The following ZC3H18 variants were observed in gnomAD, a reference collection of about 807,000 sequenced individuals.
ZC3H18 encodes zinc finger CCCH domain-containing protein 18.
A neutral mutation model predicts 106.1 loss-of-function variants in ZC3H18; 8 were observed. The observed-to-expected ratio is 0.08, with a 90% CI of 0.04 to 0.14. The LOEUF (loss-of-function observed/expected upper bound fraction) is 0.14. ZC3H18 is among the 10% of genes least tolerant of loss of function. ZC3H18 has a pLI of 1.00. For missense variants in ZC3H18, 1,318 were observed against 1,278.4 expected, an observed-to-expected ratio of 1.03 and a Z score of -0.47; for synonymous variants, 635 against 522.1, an observed-to-expected ratio of 1.22 and a Z score of -2.95.
chr16:88,625,132 G>T, intron 12 of ZC3H18, 70 bp from the exon 13 acceptor site: 1 of 1,530,340 alleles, frequency 6.5e-7, no homozygotes, highest in Non-Finnish European at 8.9e-7. Context: ...AGGGCTGCTG[G>T]TGGGGAGGGG....
chr16:88,599,905 C>A lies in ZC3H18; in HGVS notation c.1045C>A (p.Arg349=). Residue 349 remains arginine, a synonymous_variant, in exon 6 of 18, where the codon CGA becomes AGA. Transcript: ENST00000301011. ...REFDKENEVF[R]DWNSRIPRDV... ...ATTTGACAAAGAAAATGAAGTTTTT[C>A]GAGATTGGAATTCTCGGATCCCGAG... The A allele has an allele frequency of 1.9e-6, 3 of 1,614,202 alleles. No individual in the cohort carries two copies.
At chr16:88,623,164 TG>T in intron 9 of ZC3H18, 54 bp from the exon 10 acceptor site, 2 of 1,589,900 alleles carry the variant, frequency 1.3e-6, no homozygotes. Context: ...TCAGGGCGTG[TG>T]GGGCAGGGAG....
chr16:88,616,887 G>C (rs918003396), intron 8 of ZC3H18, among the ~76,000 whole-genome samples: 1 of 152,164 alleles, frequency 6.6e-6, no homozygotes, highest in African/African-American at 2.4e-5. Context: ...ACACCCTAGT[G>C]AAGCGCAGTC....
At chr16:88,622,483 C>G in intron 9 of ZC3H18, 95 bp downstream of exon 9, 1 of 1,370,898 alleles carries the variant, frequency 7.3e-7, no homozygotes, top group African/African-American at 1.5e-5. Context: ...AACACCCCAG[C>G]CCCACTGTTT....
At chr16:88,601,201 TA>T (rs1904733985) in intron 6 of ZC3H18, among the ~76,000 whole-genome samples, 1 of 152,252 alleles carries the variant, frequency 6.6e-6, no homozygotes, top group African/African-American at 2.4e-5. Flanking sequence ...AAGACTTGGT[TA>T]ACATGTACAT....
At chr16:88,614,546 TCA>T (rs570074734) in intron 8 of ZC3H18, among the ~76,000 whole-genome samples, 43 of 152,352 alleles carry the variant, frequency 2.8e-4, no homozygotes, top group African/African-American at 1.0e-3. Flanking sequence ...ATTCTCCAGC[TCA>T]CAGTGAATGG....
At chr16:88,591,922 G>A (rs1197071439) in intron 3 of ZC3H18, among the ~76,000 whole-genome samples, 2 of 152,150 alleles carry the variant, frequency 1.3e-5, no homozygotes, top group Non-Finnish European at 2.9e-5. Context: ...TTGAGGAACC[G>A]CTGGCAGCGG....
At chr16:88,606,161 G>C (rs1419232063) in intron 6 of ZC3H18, among the ~76,000 whole-genome samples, 1 of 152,236 alleles carries the variant, frequency 6.6e-6, no homozygotes, top group African/African-American at 2.4e-5. Flanking sequence ...AACAGTTGGG[G>C]AAGAGTTTGT....
At chr16:88,631,026 C>A (rs1017532232) in intron 17 of ZC3H18, 75 bp from the exon 18 acceptor site, 48 of 1,580,394 alleles carry the variant, frequency 3.0e-5, no homozygotes, top group Non-Finnish European at 4.1e-5. Flanking sequence ...GTGGAAGCGC[C>A]CCTACGGGGA....
At chr16:88,601,792 T>C (rs1324659440) in intron 6 of ZC3H18, among the ~76,000 whole-genome samples, 1 of 152,136 alleles carries the variant, frequency 6.6e-6, no homozygotes. Context: ...CTGAGGCCTT[T>C]TGTGCCATGC....
At chr16:88,595,976 G>A (rs563695785) in intron 3 of ZC3H18, among the ~76,000 whole-genome samples, 6 of 152,198 alleles carry the variant, frequency 3.9e-5, no homozygotes, top group African/African-American at 9.6e-5. Flanking sequence ...TCTGCCTGAC[G>A]TCTGCTGGAA....
chr16:88,604,063 T>C (rs546673602), intron 6 of ZC3H18, among the ~76,000 whole-genome samples: 1 of 152,126 alleles, frequency 6.6e-6, no homozygotes, highest in East Asian at 1.9e-4. Flanking sequence ...AAACCTCACA[T>C]ATTGGCTGGA....
intron 12 of ZC3H18, 122 bp downstream of exon 12, chr16:88,624,867 G>A (rs1038021745): frequency 5.1e-6 from 7 of 1,378,292 alleles, no homozygotes; most frequent in Non-Finnish European, 3.8e-6. Context: ...GCGCCCCCTA[G>A]CCGAGCAGCA....
At position 88,597,125 on chromosome 16, in the gene ZC3H18, G is replaced by A. The variant is rs149146773; in HGVS notation, c.689-1053G>A. ...TTTAGTAGAGACGGGGTTTCACCAT[G>A]TTAGCCAGGATGGTCTTGATCTCTT... On this transcript the variant is annotated intron_variant, in intron 3 of 17. Coordinates refer to ENST00000301011, the MANE Select transcript of ZC3H18 (RefSeq NM_144604.4). Among the ~76,000 whole-genome samples the A allele has an allele frequency of 5.7e-3, 861 of 152,284 alleles. 10 individuals carry two copies. Among genetic ancestry groups the A allele is most frequent in the African/African-American group, 0.019 (808 of 41,554 alleles).
At chr16:88,582,219 C>CTTTTTT (rs71391393) in intron 2 of ZC3H18, among the ~76,000 whole-genome samples, 908 of 77,158 alleles carry the variant, frequency 0.012, 73 homozygotes, top group African/African-American at 0.025. Flanking sequence ...TTTTTCTTTT[C>CTTTTTT]TTTTTTTTTT....
At chr16:88,596,828 CAGAT>C (rs766345130) in intron 3 of ZC3H18, among the ~76,000 whole-genome samples, 9 of 152,372 alleles carry the variant, frequency 5.9e-5, no homozygotes, top group South Asian at 2.1e-4. Flanking sequence ...TGTTGAGTCT[CAGAT>C]GGATGACTGC....
intron 3 of ZC3H18, among the ~76,000 whole-genome samples, chr16:88,593,727 C>T (rs564131332): frequency 5.3e-5 from 8 of 152,294 alleles, no homozygotes; most frequent in South Asian, 4.1e-4. Flanking sequence ...AATGCAGATC[C>T]GGGTCCTGGC....
chr16:88,598,430 C>T, intron 4 of ZC3H18, 104 bp downstream of exon 4: 2 of 1,508,796 alleles, frequency 1.3e-6, no homozygotes, highest in South Asian at 2.6e-5. Flanking sequence ...GGCTCAGTGC[C>T]CCCTTTCGGC....
chr16:88,621,648 G>C (rs534324703), intron 8 of ZC3H18, among the ~76,000 whole-genome samples: 49 of 151,990 alleles, frequency 3.2e-4, no homozygotes, highest in African/African-American at 1.2e-3. Flanking sequence ...GAGCCATCGC[G>C]CCCAGCCTAA....
Sources: allele counts gnomAD v4.1 joint callset (sites outside exome capture counted in the v4.1 genomes callset), GRCh38; gene constraint gnomAD v4.1.1; transcripts MANE v1.5; gene names NCBI Gene and HGNC (gene_info 2026-07-23, HGNC 2026-07-21).